The following FAM81A variants were observed in gnomAD, a reference collection of about 807,000 sequenced individuals.
FAM81A encodes protein FAM81A.
A neutral mutation model predicts 46.7 loss-of-function variants in FAM81A; 19 were observed. The observed-to-expected ratio is 0.41, with a 90% CI of 0.28 to 0.60. The LOEUF is 0.60. Ranked by LOEUF, FAM81A falls within the 20% of genes least tolerant of loss-of-function variation. The probability of loss-of-function intolerance (pLI) is 0.34; values close to 1 mark genes in which losing one functional copy is unlikely to be tolerated. For synonymous variants in FAM81A, 183 were observed against 152.9 expected, an observed-to-expected ratio of 1.20 and a Z score of -1.45; for missense variants, 377 against 453.5, an observed-to-expected ratio of 0.83 and a Z score of 1.53.
chr15:59,413,796 T>C (rs1363995499), intron 2 of FAM81A, among the ~76,000 whole-genome samples: 1 of 151,988 alleles, frequency 6.6e-6, no homozygotes, highest in East Asian at 1.9e-4. Context: ...TAGATGGCTG[T>C]TTTCATTTCC....
At chr15:59,405,595 C>T (rs2081090630) in intron 2 of FAM81A, among the ~76,000 whole-genome samples, 1 of 151,946 alleles carries the variant, frequency 6.6e-6, no homozygotes, top group Admixed American at 6.6e-5. Context: ...GAGCCGAGAT[C>T]ACGCCACTGC....
intron 7 of FAM81A, among the ~76,000 whole-genome samples, chr15:59,516,306 T>A (rs569172428): frequency 2.0e-4 from 31 of 152,194 alleles, no homozygotes; most frequent in African/African-American, 7.5e-4. Flanking sequence ...ATTTTTGTAT[T>A]TTTAATAAAG....
In FAM81A at chr15:59,426,481, C is replaced by T. The variant is rs183040559; in HGVS notation, c.-78+24123C>T. Among the ~76,000 whole-genome samples the T allele has an allele frequency of 1.7e-3, 258 of 152,244 alleles. 1 individual carries two copies. The highest frequency in any genetic ancestry group is 5.9e-3 in the African/African-American group (245 of 41,536). On this transcript the variant is annotated intron_variant, in intron 2 of 4. Coordinates refer to the FAM81A transcript ENST00000558348. ...ATACAAAATTAGCCAGGCGTGGTGG[C>T]GCATGCCTGTAATCCCAGCTACTGG...
At chr15:59,484,260 C>G (rs1444071924) in intron 3 of FAM81A, among the ~76,000 whole-genome samples, 1 of 152,158 alleles carries the variant, frequency 6.6e-6, no homozygotes, top group Non-Finnish European at 1.5e-5. Context: ...TCTTCTTGAA[C>G]TTAAATTTCT....
At chr15:59,406,880 G>A (rs936341204) in intron 2 of FAM81A, 2 of 143,548 alleles carry the variant, frequency 1.4e-5, no homozygotes, top group African/African-American at 2.7e-5. Flanking sequence ...ACGTCTGGAG[G>A]GAAAGTTTTT....
chr15:59,451,017 G>A (rs1225546211), intron 1 of FAM81A, among the ~76,000 whole-genome samples: 1 of 152,204 alleles, frequency 6.6e-6, no homozygotes, highest in Admixed American at 6.5e-5. Flanking sequence ...AAGAGACAAG[G>A]ATGGTGTTGT....
intron 8 of FAM81A, among the ~76,000 whole-genome samples, chr15:59,517,870 T>C (rs2082283555): frequency 6.6e-6 from 1 of 152,200 alleles, no homozygotes; most frequent in Non-Finnish European, 1.5e-5. Context: ...TAACATACCA[T>C]TGAGGATGTT....
At chr15:59,502,836 G>T (rs145171507) in intron 4 of FAM81A, among the ~76,000 whole-genome samples, 1 of 151,984 alleles carries the variant, frequency 6.6e-6, no homozygotes, top group Non-Finnish European at 1.5e-5. Context: ...TCTAATGGGA[G>T]TCTTTGGTAT....
At chr15:59,439,469 C>T (rs201445573) in intron 1 of FAM81A, among the ~76,000 whole-genome samples, 2 of 151,998 alleles carry the variant, frequency 1.3e-5, no homozygotes, top group East Asian at 3.9e-4. Flanking sequence ...CTAAAAAGGA[C>T]ACTTAGGCCC....
At chr15:59,405,597 C>T (rs556268420) in intron 2 of FAM81A, among the ~76,000 whole-genome samples, 17 of 152,054 alleles carry the variant, frequency 1.1e-4, no homozygotes, top group South Asian at 4.2e-4. Context: ...GCCGAGATCA[C>T]GCCACTGCAC....
chr15:59,490,950 CAT>C (rs2081973973), intron 3 of FAM81A, among the ~76,000 whole-genome samples: 1 of 152,214 alleles, frequency 6.6e-6, no homozygotes, highest in African/African-American at 2.4e-5. Context: ...AGGGAGCACT[CAT>C]ACAGTGTTGG....
chr15:59,503,233 C>CAAAAAAAAAAAAAAAAAA lies in FAM81A; in HGVS notation c.414-3973_414-3956dup, dbSNP rs769759845. 5.7e-5 allele frequency among the ~76,000 whole-genome samples: 2 copies of CAAAAAAAAAAAAAAAAAA among 35,344 alleles called. 1 individual carries two copies. The highest frequency in any genetic ancestry group is 2.3e-4 in the African/African-American group (2 of 8,634). 23.2% of individuals were successfully genotyped at this position (35,344 alleles called of 152,430 possible). A position where few individuals can be genotyped will look rare whatever the true frequency, so the allele number is the denominator to read the frequency against. On this transcript the variant is annotated intron_variant, in intron 4 of 8. Coordinates refer to ENST00000288228, the MANE Select transcript of FAM81A (RefSeq NM_152450.3). ...CCTGGGCAACAGAGTGAGACTGTCT[C>CAAAAAAAAAAAAAAAAAA]AAAAAAAAAAAAAAAAAAAAAAAAG...
intron 2 of FAM81A, among the ~76,000 whole-genome samples, chr15:59,413,081 C>T (rs1596461029): frequency 6.6e-6 from 1 of 152,114 alleles, no homozygotes; most frequent in African/African-American, 2.4e-5. Flanking sequence ...AGCAACAGCA[C>T]GCCACACAAG....
upstream of FAM81A, among the ~76,000 whole-genome samples, chr15:59,434,391 G>A (rs567979171): frequency 4.6e-5 from 7 of 152,230 alleles, no homozygotes; most frequent in Admixed American, 1.3e-4. Context: ...TCTCTAAAGA[G>A]TGACCTACAC....
chr15:59,412,356 G>A (rs2081124896), intron 2 of FAM81A, among the ~76,000 whole-genome samples: 1 of 152,156 alleles, frequency 6.6e-6, no homozygotes, highest in Non-Finnish European at 1.5e-5. Flanking sequence ...TCATGAAGGA[G>A]AAACTTTCTT....
upstream of FAM81A, among the ~76,000 whole-genome samples, chr15:59,435,070 C>T (rs539481325): frequency 1.3e-5 from 2 of 152,292 alleles, no homozygotes; most frequent in East Asian, 1.9e-4. Context: ...AGGTGGATCA[C>T]GAGGTTAAGA....
rs375567031 is a variant in FAM81A at position 59,460,221 on chromosome 15, A to T, written c.294+15A>T. The stretch of plus-strand genomic sequence containing the variant: ...GGGATATCGAGGTAAGGTTTGTGAA[A>T]GTCAGGTGGCCTATGTCCCTTTCCA... On this transcript the variant is annotated intron_variant, in intron 3 of 8. Transcript: ENST00000288228. The surrounding 1 kb of genome is among the most constrained non-coding windows in gnomAD (Gnocchi z 4.4). The T allele has an allele frequency of 3.1e-6, 5 of 1,613,904 alleles. No individual in the cohort carries two copies. The African/African-American group carries it at 6.7e-5, about 22-fold the overall frequency.
chr15:59,422,758 G>C (rs1391389312), intron 2 of FAM81A, among the ~76,000 whole-genome samples: 8 of 152,172 alleles, frequency 5.3e-5, no homozygotes, highest in Admixed American at 5.2e-4. Context: ...TTACAGGCGT[G>C]AGCCACATGC....
At chr15:59,407,976 A>T in intron 2 of FAM81A, 1 of 164,020 alleles carries the variant, frequency 6.1e-6, no homozygotes, top group Non-Finnish European at 1.3e-5. Flanking sequence ...CAACCTGATA[A>T]AGTGGGGCCA....
Sources: allele counts gnomAD v4.1 joint callset (sites outside exome capture counted in the v4.1 genomes callset), GRCh38; gene constraint gnomAD v4.1.1; non-coding constraint Gnocchi (gnomAD v3.1); transcripts MANE v1.5; gene names NCBI Gene and HGNC (gene_info 2026-07-23, HGNC 2026-07-21).